The following TRPM3 variants were observed in gnomAD, a reference collection of about 807,000 sequenced individuals.
The protein encoded by TRPM3 is transient receptor potential cation channel subfamily M member 3.
A neutral mutation model predicts 181.2 loss-of-function variants in TRPM3; 77 were observed. The observed-to-expected ratio is 0.42, with a 90% CI of 0.35 to 0.51. The LOEUF (loss-of-function observed/expected upper bound fraction) is 0.51. TRPM3 is among the 20% of genes least tolerant of loss of function. The pLI, the probability that TRPM3 is intolerant of heterozygous loss-of-function variation, is 0.01. For synonymous variants in TRPM3, 745 were observed against 796.4 expected (o/e 0.94, Z 1.09); for missense variants, 1,759 against 2,196.7 (o/e 0.80, Z 3.98).
At chr9:71,313,897 G>A (rs141793668) in intron 1 of TRPM3, among the ~76,000 whole-genome samples, 101 of 152,074 alleles carry the variant, frequency 6.6e-4, no homozygotes, top group African/African-American at 8.9e-4. Context: ...AGAACTCCTC[G>A]GGCAAGACTG....
At chr9:71,290,240 A>G (rs2085690561) in intron 1 of TRPM3, among the ~76,000 whole-genome samples, 1 of 152,080 alleles carries the variant, frequency 6.6e-6, no homozygotes, top group African/African-American at 2.4e-5. Flanking sequence ...CGGGTTATAT[A>G]TTTAAGCAGT....
intron 1 of TRPM3, among the ~76,000 whole-genome samples, chr9:70,908,857 G>C (rs1256962858): frequency 1.3e-5 from 2 of 152,188 alleles, no homozygotes; most frequent in Non-Finnish European, 2.9e-5. Flanking sequence ...TGAGCAAAGT[G>C]ACACTTCAGA....
At chr9:70,682,899 A>C (rs1217912987) in intron 8 of TRPM3, among the ~76,000 whole-genome samples, 1 of 152,192 alleles carries the variant, frequency 6.6e-6, no homozygotes, top group East Asian at 1.9e-4. Flanking sequence ...CAGATTTGCT[A>C]ATCTATAAGT....
At chr9:71,201,387 G>A (rs937224940) in intron 1 of TRPM3, among the ~76,000 whole-genome samples, 6 of 151,972 alleles carry the variant, frequency 3.9e-5, no homozygotes, top group Non-Finnish European at 7.3e-5. Context: ...TCTTTGTGGT[G>A]TTCTCTGTAT....
chr9:71,396,358 T>C (rs1375198130), intron 1 of TRPM3, among the ~76,000 whole-genome samples: 1 of 151,010 alleles, frequency 6.6e-6, no homozygotes, highest in Non-Finnish European at 1.5e-5. Flanking sequence ...GCAGCAATGA[T>C]TATCAAGGCA....
Position 70,786,200 on chromosome 9 carries a change from C to T in TRPM3, c.974-1921G>A, listed in dbSNP as rs571080930. Among the ~76,000 whole-genome samples the T allele has an allele frequency of 3.2e-4, 48 of 150,838 alleles. 2 individuals are homozygous for T. In the Middle Eastern group the frequency reaches 0.021, roughly 65 times the overall value. ...TAAGGGCTGGCCAGGCACAGTGGCT[C>T]ATGCCTGTAATCCCAGCACTTTGGA... On this transcript the variant is annotated intron_variant, in intron 6 of 25. Coordinates refer to ENST00000677713, the MANE Select transcript of TRPM3 (RefSeq NM_001366145.2).
intron 5 of TRPM3, among the ~76,000 whole-genome samples, chr9:70,831,291 A>C (rs1350315030): frequency 6.6e-6 from 1 of 152,166 alleles, no homozygotes; most frequent in Non-Finnish European, 1.5e-5. Flanking sequence ...TAAAAAAATA[A>C]TGTATTTTAA....
At chr9:70,975,998 C>T (rs1165896884) in intron 1 of TRPM3, among the ~76,000 whole-genome samples, 1 of 152,190 alleles carries the variant, frequency 6.6e-6, no homozygotes, top group Non-Finnish European at 1.5e-5. Flanking sequence ...CCTTCCTCCC[C>T]CAGCCCCTAT....
chr9:71,282,339 A>G (rs1474460406), intron 1 of TRPM3, among the ~76,000 whole-genome samples: 1 of 119,658 alleles, frequency 8.4e-6, no homozygotes, highest in Non-Finnish European at 1.7e-5. Flanking sequence ...AAAGAGAGAA[A>G]GAAAGAAAAG....
At chr9:70,589,051 A>G (rs1180626318) in intron 22 of TRPM3, among the ~76,000 whole-genome samples, 1 of 152,352 alleles carries the variant, frequency 6.6e-6, no homozygotes, top group East Asian at 1.9e-4. Flanking sequence ...GGCTGCATCT[A>G]TCCAAGGCTG....
Position 70,598,375 on chromosome 9 carries a change from C to T in TRPM3, c.3048+44G>A, listed in dbSNP as rs756182070. On this transcript the variant is annotated intron_variant, in intron 21 of 25. Coordinates refer to ENST00000677713, the MANE Select transcript of TRPM3 (RefSeq NM_001366145.2). Reference sequence around the variant, plus strand: ...TTCCCTCTATCTATTATCACCATTCCTCCTCTGAAAACTTATAACATGGAA... The same window carrying T: ...TTCCCTCTATCTATTATCACCATTCTTCCTCTGAAAACTTATAACATGGAA... 1.4e-5 allele frequency: 22 copies of T among 1,600,106 alleles called. No individual in the cohort carries two copies. The South Asian group carries it at 1.7e-4, about 12-fold the overall frequency.
At chr9:70,873,491 C>T (rs116041687) in intron 1 of TRPM3, among the ~76,000 whole-genome samples, 442 of 152,092 alleles carry the variant, frequency 2.9e-3, no homozygotes, top group Middle Eastern at 0.017. Flanking sequence ...GTACACTTTA[C>T]GCTCCAGCAA....
At chr9:70,748,229 AT>A (rs2075522500) in intron 8 of TRPM3, among the ~76,000 whole-genome samples, 1 of 152,136 alleles carries the variant, frequency 6.6e-6, no homozygotes, top group Non-Finnish European at 1.5e-5. Flanking sequence ...CTTTGCTTCC[AT>A]TTATTCCATT....
chr9:71,334,507 G>T (rs2090425922), intron 1 of TRPM3, among the ~76,000 whole-genome samples: 1 of 147,800 alleles, frequency 6.8e-6, no homozygotes, highest in African/African-American at 2.5e-5. Context: ...AACATCCTCT[G>T]CTCTATTACA....
At chr9:71,325,841 T>C (rs918432270) in intron 1 of TRPM3, among the ~76,000 whole-genome samples, 4 of 152,196 alleles carry the variant, frequency 2.6e-5, no homozygotes, top group African/African-American at 4.8e-5. Flanking sequence ...TTTTTTTCTA[T>C]TGGCACTTTT....
At chr9:71,031,593 G>A (rs569584163) in intron 1 of TRPM3, among the ~76,000 whole-genome samples, 1 of 151,944 alleles carries the variant, frequency 6.6e-6, no homozygotes, top group East Asian at 1.9e-4. Context: ...TTTTCTGTTG[G>A]TAATATTTTT....
chr9:70,750,101 A>T (rs1321743586), intron 8 of TRPM3, among the ~76,000 whole-genome samples: 2 of 152,202 alleles, frequency 1.3e-5, no homozygotes, highest in Non-Finnish European at 2.9e-5. Context: ...CAGCTTAGAC[A>T]TAGGCTACTA....
At chr9:71,266,902 C>G (rs931596199) in intron 1 of TRPM3, among the ~76,000 whole-genome samples, 3 of 149,990 alleles carry the variant, frequency 2.0e-5, no homozygotes, top group African/African-American at 7.4e-5. Flanking sequence ...ACTTAGTGTT[C>G]TGTGTTTCTA....
chr9:71,247,581 A>G (rs2082107391), intron 1 of TRPM3, among the ~76,000 whole-genome samples: 1 of 152,032 alleles, frequency 6.6e-6, no homozygotes, highest in Admixed American at 6.6e-5. Flanking sequence ...GAGAAGAGGT[A>G]TTCCATCCTC....
Sources: gnomAD v4.1 joint callset for allele counts (sites outside exome capture counted in the v4.1 genomes callset) on GRCh38, gnomAD v4.1.1 for gene constraint, MANE v1.5 for transcripts, NCBI Gene and HGNC (gene_info 2026-07-23, HGNC 2026-07-21) for gene names.